The following NFATC2 variants were observed in gnomAD, a reference collection of about 807,000 sequenced individuals.
NFATC2 encodes nuclear factor of activated T cells 2.
In NFATC2, 22 loss-of-function variants were observed where a neutral mutation model predicts 87.3. The observed-to-expected ratio is 0.25, with a 90% CI of 0.18 to 0.36. NFATC2 has a LOEUF of 0.36. Among genes scored for constraint, NFATC2 ranks in the 10% least tolerant of loss-of-function variants. The pLI is 1.00. For synonymous variants in NFATC2, 565 were observed against 542.2 expected, an observed-to-expected ratio of 1.04 and a Z score of -0.58; for missense variants, 1,149 against 1,259.1, an observed-to-expected ratio of 0.91 and a Z score of 1.32.
chr20:51,454,127 A>T (rs1489878291), intron 6 of NFATC2, among the ~76,000 whole-genome samples: 1 of 152,186 alleles, frequency 6.6e-6, no homozygotes, highest in Non-Finnish European at 1.5e-5. Flanking sequence ...ACGGATAGGT[A>T]ATATGCCTCG....
At chr20:51,416,855 G>A (rs890894378) in intron 9 of NFATC2, among the ~76,000 whole-genome samples, 1 of 152,198 alleles carries the variant, frequency 6.6e-6, no homozygotes, top group South Asian at 2.1e-4. Context: ...ATGGGGGCCA[G>A]AGGGACAGTA....
rs965270579 is a variant in NFATC2 at position 51,562,115 on chromosome 20, T to C, written c.70+445A>G. Among the ~76,000 whole-genome samples, 1 of 152,214 alleles carries C rather than the reference T, an allele frequency of 6.6e-6. No homozygotes were observed. The highest frequency in any genetic ancestry group is 6.5e-5 in the Admixed American group (1 of 15,290). On this transcript the variant is annotated intron_variant, in intron 1 of 10. Coordinates refer to the NFATC2 transcript ENST00000414705. The surrounding 1 kb of genome is among the most constrained non-coding windows in gnomAD (Gnocchi z 5.8). The stretch of plus-strand genomic sequence containing the variant: ...TTAGAAAGCAAAGTCTTCCTTACTA[T>C]ACTTGCTGTATAGTAAAATGCCAAG...
In NFATC2 at chr20:51,426,688, A is replaced by G. The variant is rs191116612; in HGVS notation, c.2722+5379T>C. 2.9e-3 allele frequency among the ~76,000 whole-genome samples: 436 copies of G among 152,270 alleles called. 2 individuals are homozygous for G. The highest frequency in any genetic ancestry group is 4.4e-3 in the Admixed American group (68 of 15,304). On this transcript the variant is annotated intron_variant, in intron 9 of 10. Transcript: ENST00000371564. ...GGAGCTGACACTCAAGACACAAAAG[A>G]GTCATGAAATCTGACTTTTGTTTGT...
intron 8 of NFATC2, among the ~76,000 whole-genome samples, chr20:51,433,323 G>A (rs1011119241): frequency 6.6e-5 from 10 of 152,188 alleles, no homozygotes; most frequent in Admixed American, 6.5e-4. Flanking sequence ...AATCAGCAAA[G>A]TGACTGTTTC....
chr20:51,474,287 G>A, intron 4 of NFATC2, 135 bp from the exon 5 acceptor site: 2 of 1,036,992 alleles, frequency 1.9e-6, no homozygotes, highest in Non-Finnish European at 2.8e-6. Context: ...AGCCAGGAAT[G>A]TATACCAAGA....
intron 9 of NFATC2, among the ~76,000 whole-genome samples, chr20:51,404,368 G>A (rs562547605): frequency 2.2e-4 from 34 of 152,170 alleles, no homozygotes; most frequent in Non-Finnish European, 4.4e-4. Flanking sequence ...AGCTTCTAAG[G>A]CTTTTAGAGA....
chr20:51,447,972 G>A (rs964970371), intron 6 of NFATC2, among the ~76,000 whole-genome samples: 4 of 152,146 alleles, frequency 2.6e-5, no homozygotes, highest in Non-Finnish European at 5.9e-5. Flanking sequence ...TGTAAAATGG[G>A]GATAATGCTG....
intron 9 of NFATC2, among the ~76,000 whole-genome samples, chr20:51,417,542 A>G (rs907072698): frequency 2.6e-5 from 4 of 152,088 alleles, no homozygotes; most frequent in African/African-American, 9.7e-5. Context: ...TCACTTCCTC[A>G]AAGAGGTTGG....
chr20:51,482,062 T>A (rs957763697), intron 3 of NFATC2, among the ~76,000 whole-genome samples: 1 of 152,112 alleles, frequency 6.6e-6, no homozygotes, highest in Non-Finnish European at 1.5e-5. Context: ...ACTGGCCCTG[T>A]TTGTTTCTTC....
intron 5 of NFATC2, among the ~76,000 whole-genome samples, chr20:51,472,629 C>CTTTTTTTT (rs1223762055): frequency 8.5e-4 from 79 of 92,718 alleles, no homozygotes; most frequent in Non-Finnish European, 1.1e-3. Context: ...CTTCTTTCTT[C>CTTTTTTTT]TTTTTTTTTT....
intron 9 of NFATC2, among the ~76,000 whole-genome samples, chr20:51,419,592 A>T (rs1980568751): frequency 6.6e-6 from 1 of 152,218 alleles, no homozygotes; most frequent in South Asian, 2.1e-4. Flanking sequence ...GGAAGAAATC[A>T]TCTATCTTGT....
intron 1 of NFATC2, among the ~76,000 whole-genome samples, chr20:51,536,007 T>C (rs1323030314): frequency 6.6e-6 from 1 of 152,102 alleles, no homozygotes; most frequent in Non-Finnish European, 1.5e-5. Flanking sequence ...GAAAAAGCAT[T>C]AAAGATTCAA....
chr20:51,544,010 C>A (rs1428991234), upstream of NFATC2, among the ~76,000 whole-genome samples: 1 of 63,896 alleles, frequency 1.6e-5, no homozygotes. Flanking sequence ...TTTTTGGAGA[C>A]GGAGTCTCGC....
intron 10 of NFATC2, among the ~76,000 whole-genome samples, chr20:51,397,532 C>T (rs908484244): frequency 6.6e-6 from 1 of 152,180 alleles, no homozygotes; most frequent in Non-Finnish European, 1.5e-5. Flanking sequence ...TCGACAAGTT[C>T]CCTGGGGGGC....
At chr20:51,539,303 G>C (rs2076768704) in intron 1 of NFATC2, among the ~76,000 whole-genome samples, 1 of 152,162 alleles carries the variant, frequency 6.6e-6, no homozygotes, top group Non-Finnish European at 1.5e-5. Flanking sequence ...TCACCAATAT[G>C]TTGCCATCTG....
intron 5 of NFATC2, among the ~76,000 whole-genome samples, chr20:51,465,590 G>A (rs1987601519): frequency 6.6e-6 from 1 of 152,054 alleles, no homozygotes; most frequent in Admixed American, 6.5e-5. Context: ...CAGGGCCTTT[G>A]TACTGGCTAT....
chr20:51,532,957 C>T (rs2076659664), intron 1 of NFATC2, among the ~76,000 whole-genome samples: 1 of 152,168 alleles, frequency 6.6e-6, no homozygotes, highest in African/African-American at 2.4e-5. Flanking sequence ...CCACAGGGCT[C>T]CACTGATCCC....
chr20:51,473,970 C>G lies in NFATC2; in HGVS notation c.1708+10G>C. The G allele has an allele frequency of 6.2e-7, 1 of 1,610,786 alleles. No individual in the cohort carries two copies. Among genetic ancestry groups the G allele is most frequent in the Non-Finnish European group, 8.5e-7 (1 of 1,177,466 alleles). On this transcript the variant is annotated intron_variant, in intron 5 of 10. Transcript: ENST00000371564. Reference sequence around the variant, plus strand: ...TCTGAAGAAAGACCGGGCCCCAGGGCCCAACTTACAGCACTCGATGGGGTT... The same window carrying G: ...TCTGAAGAAAGACCGGGCCCCAGGGGCCAACTTACAGCACTCGATGGGGTT...
intron 9 of NFATC2, among the ~76,000 whole-genome samples, chr20:51,424,112 C>T (rs1981392986): frequency 6.6e-6 from 1 of 152,180 alleles, no homozygotes; most frequent in South Asian, 2.1e-4. Context: ...ATCGTTTAGG[C>T]ACCCAGGAGA....
Sources: allele counts gnomAD v4.1 joint callset (sites outside exome capture counted in the v4.1 genomes callset), GRCh38; gene constraint gnomAD v4.1.1; non-coding constraint Gnocchi (gnomAD v3.1); transcripts MANE v1.5; gene names NCBI Gene and HGNC (gene_info 2026-07-23, HGNC 2026-07-21).